The following RBM20 variants were observed in gnomAD, a reference collection of about 807,000 sequenced individuals.
RBM20 encodes the protein RNA-binding protein 20.
In RBM20, 51 loss-of-function variants were observed where a neutral mutation model predicts 110.1. The ratio of observed to expected loss-of-function variants is 0.46; its 90% CI spans 0.37 to 0.59. The LOEUF (loss-of-function observed/expected upper bound fraction) is 0.59, where lower values mean the gene tolerates loss of function less well. RBM20 is among the 20% of genes least tolerant of loss of function. The pLI, the probability that RBM20 is intolerant of heterozygous loss-of-function variation, is 0.00. For synonymous variants in RBM20, 589 were observed against 618.2 expected (o/e 0.95, Z 0.70); for missense variants, 1,512 against 1,574.9 (o/e 0.96, Z 0.68).
chr10:110,734,053 A>G (rs1260231180), intron 1 of RBM20, among the ~76,000 whole-genome samples: 1 of 152,072 alleles, frequency 6.6e-6, no homozygotes, highest in African/African-American at 2.4e-5. Context: ...CCTCCCTTCC[A>G]TTGGATGAGG....
intron 1 of RBM20, among the ~76,000 whole-genome samples, chr10:110,716,923 GA>G (rs34627248): frequency 0.45 from 65,136 of 144,298 alleles, 15,361 homozygotes; most frequent in East Asian, 0.88. Context: ...AAAAAAAAAA[GA>G]AAAAAAAAAA....
chr10:110,747,530 C>T (rs984515011), intron 1 of RBM20, among the ~76,000 whole-genome samples: 7 of 152,174 alleles, frequency 4.6e-5, no homozygotes, highest in African/African-American at 1.7e-4. Context: ...GGGCTCTGCC[C>T]TTTACTACTC....
intron 7 of RBM20, among the ~76,000 whole-genome samples, chr10:110,809,632 C>T (rs1327279965): frequency 6.6e-6 from 1 of 152,124 alleles, no homozygotes; most frequent in Non-Finnish European, 1.5e-5. Flanking sequence ...AGGATGGAGC[C>T]CTGGCTGCCT....
rs1844395392 is a variant in RBM20 at position 110,784,445 on chromosome 10, C to T, written c.1429+13C>T. 2 of 1,545,504 alleles carry T rather than the reference C, an allele frequency of 1.3e-6. No homozygotes were observed. Among genetic ancestry groups the T allele is most frequent in the South Asian group, 1.2e-5 (1 of 83,866 alleles). Reference sequence around the variant, plus strand: ...GCTGGGAATGAAGGTGAGCAAGGCCCTACAGGTCAGCAGCTTGAAGCAGAA... The same window carrying T: ...GCTGGGAATGAAGGTGAGCAAGGCCTTACAGGTCAGCAGCTTGAAGCAGAA... On this transcript the variant is annotated intron_variant, in intron 4 of 13. Transcript: ENST00000369519.
In RBM20 at chr10:110,812,539, C is replaced by A. The variant is rs1844784139; in HGVS notation, c.2142C>A (p.His714Gln). 2 of 1,551,700 alleles carry A rather than the reference C, an allele frequency of 1.3e-6. No homozygotes were observed. Among genetic ancestry groups the A allele is most frequent in the Non-Finnish European group, 1.7e-6 (2 of 1,146,996 alleles). The change falls in exon 9 of 14, where the codon CAC becomes CAA. Residue 714 changes from histidine (H) to glutamine (Q), a missense_variant. Transcript: ENST00000369519. ...MDPWAHDRKH[H>Q]PRQLDKAELD... Reference sequence around the variant, plus strand: ...CCTGGGCACATGATCGCAAACACCACCCCCGGCAACTGGACAAGGCTGAGT... The same window carrying A: ...CCTGGGCACATGATCGCAAACACCAACCCCGGCAACTGGACAAGGCTGAGT...
chr10:110,761,225 T>C (rs1843997883), intron 1 of RBM20: 1 of 151,948 alleles, frequency 6.6e-6, no homozygotes, highest in Non-Finnish European at 1.5e-5. Flanking sequence ...AGTACTTGCA[T>C]GGGAGAAGCT....
intron 1 of RBM20, among the ~76,000 whole-genome samples, chr10:110,696,979 C>A (rs1205505191): frequency 1.3e-5 from 2 of 152,180 alleles, no homozygotes; most frequent in East Asian, 3.9e-4. Context: ...CAAAGGCAAC[C>A]CCCATTCTTA....
At chr10:110,776,451 T>C (rs1844265521) in intron 1 of RBM20, among the ~76,000 whole-genome samples, 1 of 152,222 alleles carries the variant, frequency 6.6e-6, no homozygotes, top group Admixed American at 6.5e-5. Context: ...TAGTTCCTTC[T>C]GGAGGCTCTA....
chr10:110,735,464 C>T (rs911308011), intron 1 of RBM20, among the ~76,000 whole-genome samples: 13 of 152,268 alleles, frequency 8.5e-5, no homozygotes, highest in African/African-American at 2.2e-4. Flanking sequence ...CTGTACCTTG[C>T]GCTTTTGTCC....
chr10:110,717,131 G>C (rs1863031658), intron 1 of RBM20, among the ~76,000 whole-genome samples: 1 of 151,980 alleles, frequency 6.6e-6, no homozygotes, highest in African/African-American at 2.4e-5. Flanking sequence ...TCAACTGCAG[G>C]CTTCTGAGGA....
intron 1 of RBM20, among the ~76,000 whole-genome samples, chr10:110,646,145 T>C (rs560767306): frequency 6.6e-6 from 1 of 152,326 alleles, no homozygotes. Flanking sequence ...TCAGGCTGCA[T>C]ATGAAGTTAA....
At chr10:110,701,788 G>A (rs1010998366) in intron 1 of RBM20, among the ~76,000 whole-genome samples, 8 of 152,126 alleles carry the variant, frequency 5.3e-5, no homozygotes, top group African/African-American at 1.7e-4. Flanking sequence ...CTTGCTATAG[G>A]CCTGCAACCT....
chr10:110,714,062 G>T (rs1862980303), intron 1 of RBM20, among the ~76,000 whole-genome samples: 1 of 152,224 alleles, frequency 6.6e-6, no homozygotes, highest in South Asian at 2.1e-4. Context: ...TGTGCCTGGA[G>T]TTACAGTCAT....
At chr10:110,687,956 G>A (rs970646071) in intron 1 of RBM20, among the ~76,000 whole-genome samples, 2 of 151,146 alleles carry the variant, frequency 1.3e-5, no homozygotes, top group Non-Finnish European at 2.9e-5. Context: ...AGTCCTCCTT[G>A]TCCTTCCTCT....
At chr10:110,814,939 T>C (rs764684721) in intron 9 of RBM20, among the ~76,000 whole-genome samples, 12 of 152,350 alleles carry the variant, frequency 7.9e-5, no homozygotes, top group Non-Finnish European at 1.6e-4. Flanking sequence ...CTGATGCACA[T>C]ATATAATGAA....
At chr10:110,742,975 C>A (rs1002066998) in intron 1 of RBM20, among the ~76,000 whole-genome samples, 2 of 152,138 alleles carry the variant, frequency 1.3e-5, no homozygotes, top group Non-Finnish European at 2.9e-5. Flanking sequence ...GAAGGCGGCC[C>A]GGGCTGTCAT....
At chr10:110,673,709 G>A (rs905822974) in intron 1 of RBM20, among the ~76,000 whole-genome samples, 1 of 152,192 alleles carries the variant, frequency 6.6e-6, no homozygotes, top group African/African-American at 2.4e-5. Flanking sequence ...TGTATATTCT[G>A]CAATCTGCTT....
intron 1 of RBM20, among the ~76,000 whole-genome samples, chr10:110,678,767 T>C (rs1417633): frequency 0.7 from 106,504 of 152,098 alleles, 38,850 homozygotes; most frequent in Non-Finnish European, 0.8. Flanking sequence ...TGTTTGGTGG[T>C]AGATTCACTT....
Position 110,694,254 on chromosome 10 carries a change from G to A in RBM20, c.191+49609G>A, listed in dbSNP as rs1031835507. Among the ~76,000 whole-genome samples the A allele has an allele frequency of 3.3e-5, 5 of 152,208 alleles. 1 individual carries two copies. The highest frequency in any genetic ancestry group is 2.0e-4 in the Admixed American group (3 of 15,280). On this transcript the variant is annotated intron_variant, in intron 1 of 13. Coordinates refer to ENST00000369519, the MANE Select transcript of RBM20 (RefSeq NM_001134363.3). The stretch of plus-strand genomic sequence containing the variant: ...GGAGAACCAATGAACCCAATGAACC[G>A]AATGAAACCAAAGCCAAAAGGCAGC...
Sources: allele counts gnomAD v4.1 joint callset (sites outside exome capture counted in the v4.1 genomes callset), GRCh38; gene constraint gnomAD v4.1.1; transcripts MANE v1.5; gene names NCBI Gene and HGNC (gene_info 2026-07-23, HGNC 2026-07-21).